Variants in SLIT2 observed in about 807,000 individuals in gnomAD.
SLIT2 encodes the protein slit guidance ligand 2, also known as slit homolog 2 protein.
Under a neutral mutation model 185.7 loss-of-function variants are expected in SLIT2, and 41 were observed. The observed-to-expected ratio is 0.22, with a 90% CI of 0.17 to 0.29. SLIT2 has a LOEUF of 0.29. Ranked by LOEUF, SLIT2 falls within the 10% of genes least tolerant of loss-of-function variation. The probability of loss-of-function intolerance (pLI) is 1.00; values close to 1 mark genes in which losing one functional copy is unlikely to be tolerated. For missense variants in SLIT2, 1,571 were observed against 1,909.0 expected (o/e 0.82, Z 3.30); for synonymous variants, 693 against 680.2 (o/e 1.02, Z -0.29).
chr4:20,474,620 C>A (rs1420235899), intron 5 of SLIT2, among the ~76,000 whole-genome samples: 1 of 152,070 alleles, frequency 6.6e-6, no homozygotes, highest in Non-Finnish European at 1.5e-5. Flanking sequence ...TTGGCATAAT[C>A]ATGCCATGGC....
intron 4 of SLIT2, among the ~76,000 whole-genome samples, chr4:20,436,980 A>G (rs989106833): frequency 5.3e-5 from 8 of 152,240 alleles, no homozygotes; most frequent in African/African-American, 1.9e-4. Flanking sequence ...GTTAGTTACA[A>G]GGATTAATGA....
At chr4:20,475,157 C>G (rs1715955445) in intron 5 of SLIT2, among the ~76,000 whole-genome samples, 2 of 152,092 alleles carry the variant, frequency 1.3e-5, no homozygotes, top group South Asian at 4.2e-4. Context: ...GCTCTTTGCT[C>G]AAGCCAGAAT....
intron 33 of SLIT2, 62 bp from the exon 34 acceptor site, chr4:20,609,951 T>G: frequency 6.8e-7 from 1 of 1,477,486 alleles, no homozygotes; most frequent in Non-Finnish European, 9.1e-7. Flanking sequence ...AGTTTGTAAT[T>G]TAACTACCTT....
chr4:20,334,944 T>C (rs1378320359), intron 4 of SLIT2, among the ~76,000 whole-genome samples: 3 of 152,190 alleles, frequency 2.0e-5, no homozygotes, highest in East Asian at 3.9e-4. Context: ...TTAATAAATA[T>C]GTTTCAGGGA....
chr4:20,402,095 C>G (rs1460550748), intron 4 of SLIT2, among the ~76,000 whole-genome samples: 1 of 151,602 alleles, frequency 6.6e-6, no homozygotes, highest in African/African-American at 2.4e-5. Flanking sequence ...GAACAGGTAT[C>G]CTAAAGGTAA....
chr4:20,446,932 G>A (rs1339464526), intron 4 of SLIT2, among the ~76,000 whole-genome samples: 1 of 152,162 alleles, frequency 6.6e-6, no homozygotes, highest in Non-Finnish European at 1.5e-5. Flanking sequence ...TTTTTGTTTA[G>A]GATCTGATTT....
chr4:20,598,313 G>A lies in SLIT2; in HGVS notation c.3610G>A (p.Asp1204Asn). The A allele has an allele frequency of 6.2e-7, 1 of 1,614,068 alleles. No homozygotes were observed. Among genetic ancestry groups the A allele is most frequent in the Non-Finnish European group, 8.5e-7 (1 of 1,179,974 alleles). ...AATCCTCCTGTATAAGGGTGACAAAGACCATATCGCGGTAGAACTCTATCG... is the reference window on the plus strand; with the variant it reads ...AATCCTCCTGTATAAGGGTGACAAAAACCATATCGCGGTAGAACTCTATCG... ...SGILLYKGDKDHIAVELYRGR... is the reference protein window; with the variant it reads ...SGILLYKGDKNHIAVELYRGR... Residue 1204 changes from aspartate (D) to asparagine (N), a missense_variant, in exon 33 of 37, where the codon GAC becomes AAC. Physicochemically the swap from Asp to Asn is conservative, Grantham distance 23. Transcript: ENST00000504154.
At chr4:20,565,022 T>C (rs1271411595) in intron 26 of SLIT2, among the ~76,000 whole-genome samples, 1 of 151,994 alleles carries the variant, frequency 6.6e-6, no homozygotes, top group East Asian at 1.9e-4. Flanking sequence ...GCAATGATGC[T>C]GCCAGTATAC....
chr4:20,553,997 T>C (rs1175990342), intron 26 of SLIT2, 29 bp downstream of exon 26: 1 of 1,523,122 alleles, frequency 6.6e-7, no homozygotes, highest in East Asian at 2.3e-5. Flanking sequence ...TGTATTTCTT[T>C]TAAGAATTAC....
chr4:20,257,653 C>G (rs1016115556), intron 2 of SLIT2, among the ~76,000 whole-genome samples: 2 of 151,998 alleles, frequency 1.3e-5, no homozygotes, highest in African/African-American at 4.8e-5. Context: ...TCATGAGAAA[C>G]TGCATTTGTA....
chr4:20,416,963 T>C (rs1397073361), intron 4 of SLIT2, among the ~76,000 whole-genome samples: 1 of 24,810 alleles, frequency 4.0e-5, no homozygotes, highest in East Asian at 4.7e-4. Context: ...CTATCAAATC[T>C]TTTTTTTTTT....
At chr4:20,361,027 A>T (rs923974490) in intron 4 of SLIT2, among the ~76,000 whole-genome samples, 2 of 152,224 alleles carry the variant, frequency 1.3e-5, no homozygotes, top group African/African-American at 4.8e-5. Flanking sequence ...GAGCTGATTA[A>T]CAAATTATAA....
chr4:20,490,320 G>C (rs977888200), intron 8 of SLIT2, among the ~76,000 whole-genome samples: 2 of 152,050 alleles, frequency 1.3e-5, no homozygotes, highest in Admixed American at 6.5e-5. Flanking sequence ...CCTTGCCAAA[G>C]TTTATGTAGT....
chr4:20,311,809 C>T (rs1343672147), intron 4 of SLIT2, among the ~76,000 whole-genome samples: 2 of 152,006 alleles, frequency 1.3e-5, no homozygotes, highest in South Asian at 2.1e-4. Context: ...AAATGTGTAT[C>T]CAATAAGCTA....
At chr4:20,442,544 G>GA (rs1729847896) in intron 4 of SLIT2, among the ~76,000 whole-genome samples, 1 of 104,782 alleles carries the variant, frequency 9.5e-6, no homozygotes, top group African/African-American at 4.2e-5. Flanking sequence ...AAAAAAAAAA[G>GA]GGGGGGGAGG....
chr4:20,619,238 G>A lies in SLIT2; in HGVS notation c.*229G>A, dbSNP rs1015646596. ...AGAAGTATGAAGAAAGATATACCTG[G>A]AGACATTAGAACAGCGATGGGAACC... is the stretch of plus-strand genomic sequence containing the variant. On this transcript the variant is annotated 3_prime_UTR_variant, in exon 37 of 37. Transcript: ENST00000504154. The A allele has an allele frequency of 1.6e-5, 7 of 433,096 alleles. No homozygotes were observed. The highest frequency in any genetic ancestry group is 1.0e-4 in the African/African-American group (5 of 49,950). The allele number at this position is 433,096 out of a possible 1,614,324, so 26.8% of individuals were successfully genotyped here.
chr4:20,531,268 T>C (rs1721784784), intron 16 of SLIT2, among the ~76,000 whole-genome samples: 1 of 152,208 alleles, frequency 6.6e-6, no homozygotes, highest in African/African-American at 2.4e-5. Context: ...GTGTCATGCC[T>C]GTGTAATGAA....
In SLIT2 at chr4:20,252,729, C is replaced by A. The variant is rs529804003; in HGVS notation, c.-1087C>A. On this transcript the variant is annotated 5_prime_UTR_variant, in exon 1 of 37. Transcript: ENST00000504154. ...ACACACTACTGCCATTCAGCTGCCG[C>A]CTGGCTCTGCCTGGAGTAGTGGATC... is the stretch of plus-strand genomic sequence containing the variant. Among the ~76,000 whole-genome samples the A allele has an allele frequency of 1.2e-4, 18 of 152,358 alleles. No homozygotes were observed. The highest frequency in any genetic ancestry group is 2.1e-4 in the Non-Finnish European group (14 of 68,036).
At chr4:20,515,196 A>G (rs1720093212) in intron 11 of SLIT2, among the ~76,000 whole-genome samples, 1 of 152,188 alleles carries the variant, frequency 6.6e-6, no homozygotes, top group Admixed American at 6.5e-5. Flanking sequence ...TAGTTCTTCC[A>G]TCTCTAAAAT....
Sources: allele counts gnomAD v4.1 joint callset (sites outside exome capture counted in the v4.1 genomes callset), GRCh38; gene constraint gnomAD v4.1.1; transcripts MANE v1.5; gene names NCBI Gene and HGNC (gene_info 2026-07-23, HGNC 2026-07-21).